ALDH1A2: variants seen among roughly 807,000 people sequenced by gnomAD.
ALDH1A2 encodes the protein retinal dehydrogenase 2.
ALDH1A2 carries 27 observed loss-of-function variants against 60.3 expected under a neutral mutation model. The observed-to-expected ratio is 0.45, with a 90% confidence interval of 0.33 to 0.62. The LOEUF (loss-of-function observed/expected upper bound fraction) is 0.62. ALDH1A2 is among the 20% of genes least tolerant of loss of function. The pLI, the probability that ALDH1A2 is intolerant of heterozygous loss-of-function variation, is 0.02. For synonymous variants in ALDH1A2, 289 were observed against 232.4 expected, an observed-to-expected ratio of 1.24 and a Z score of -2.21; for missense variants, 581 against 643.8, an observed-to-expected ratio of 0.90 and a Z score of 1.06.
chr15:57,977,456 G>T (rs1894302831), intron 7 of ALDH1A2, among the ~76,000 whole-genome samples: 1 of 152,036 alleles, frequency 6.6e-6, no homozygotes, highest in East Asian at 1.9e-4. Flanking sequence ...CTGTTTTCTG[G>T]ATATGGCTAG....
At position 57,954,926 on chromosome 15, in the gene ALDH1A2, A is replaced by G; in HGVS notation, c.*271T>C. 1.8e-6 allele frequency: 1 copy of G among 543,024 alleles called. No homozygotes were observed. Among genetic ancestry groups the G allele is most frequent in the South Asian group, 2.1e-5 (1 of 47,468 alleles). The allele number at this position is 543,024 out of a possible 1,614,324, so 33.6% of individuals were successfully genotyped here. ...ATTTCATCCTGTGCTCCAGAAGGAG[A>G]TACTGGATGTGTCTGCTAGCTCCTC... On this transcript the variant is annotated 3_prime_UTR_variant, in exon 13 of 13. Transcript: ENST00000249750.
chr15:58,055,530 A>G (rs1896873824), intron 1 of ALDH1A2, among the ~76,000 whole-genome samples: 1 of 152,034 alleles, frequency 6.6e-6, no homozygotes, highest in Admixed American at 6.6e-5. Context: ...GAGAAGTGCA[A>G]ATAAGTAATA....
intron 7 of ALDH1A2, among the ~76,000 whole-genome samples, chr15:57,989,881 C>T (rs1293372907): frequency 1.3e-5 from 2 of 151,904 alleles, no homozygotes; most frequent in African/African-American, 2.4e-5. Flanking sequence ...ATATTAAGGG[C>T]CGTTTGTATA....
intron 7 of ALDH1A2, among the ~76,000 whole-genome samples, chr15:57,990,805 G>A (rs1894871307): frequency 6.6e-6 from 1 of 151,072 alleles, no homozygotes; most frequent in Non-Finnish European, 1.5e-5. Flanking sequence ...GAACCTGGGG[G>A]GCGGAGGTTG....
At chr15:57,993,584 C>T (rs1421670422) in intron 5 of ALDH1A2, among the ~76,000 whole-genome samples, 1 of 152,096 alleles carries the variant, frequency 6.6e-6, no homozygotes, top group Non-Finnish European at 1.5e-5. Context: ...TATATGATTA[C>T]AAAAAATAAA....
At chr15:58,055,176 C>T (rs1896866551) in intron 1 of ALDH1A2, among the ~76,000 whole-genome samples, 1 of 151,908 alleles carries the variant, frequency 6.6e-6, no homozygotes, top group African/African-American at 2.4e-5. Flanking sequence ...GAATTGCCAC[C>T]CACTATTGCT....
At chr15:58,007,466 C>T (rs1158802561) in intron 4 of ALDH1A2, among the ~76,000 whole-genome samples, 2 of 152,090 alleles carry the variant, frequency 1.3e-5, no homozygotes, top group South Asian at 2.1e-4. Flanking sequence ...TTAGGCAGAA[C>T]AACACTTAAG....
At chr15:58,029,142 G>T (rs1365756642) in intron 1 of ALDH1A2, among the ~76,000 whole-genome samples, 3 of 152,094 alleles carry the variant, frequency 2.0e-5, no homozygotes, top group Non-Finnish European at 2.9e-5. Context: ...CACATAATTT[G>T]AAGTAAAACA....
chr15:57,982,922 G>A (rs1203076079), intron 7 of ALDH1A2, among the ~76,000 whole-genome samples: 1 of 152,116 alleles, frequency 6.6e-6, no homozygotes, highest in African/African-American at 2.4e-5. Context: ...CCTACCAAGA[G>A]TTAACGACCC....
chr15:57,973,697 T>G (rs1476602269), intron 7 of ALDH1A2, among the ~76,000 whole-genome samples: 2 of 152,204 alleles, frequency 1.3e-5, no homozygotes, highest in African/African-American at 4.8e-5. Context: ...CGCTCTCCCT[T>G]AAGTCCTTTA....
At chr15:57,973,646 T>C (rs1894143970) in intron 7 of ALDH1A2, among the ~76,000 whole-genome samples, 1 of 152,196 alleles carries the variant, frequency 6.6e-6, no homozygotes, top group African/African-American at 2.4e-5. Context: ...CCACTACTAA[T>C]ATGGAAATTA....
chr15:58,018,669 T>C (rs147954673), intron 1 of ALDH1A2, among the ~76,000 whole-genome samples: 10 of 152,290 alleles, frequency 6.6e-5, no homozygotes, highest in South Asian at 4.1e-4. Context: ...ATGGGACAAA[T>C]TGATATCATG....
chr15:58,057,646 T>A (rs950245264), intron 1 of ALDH1A2, among the ~76,000 whole-genome samples: 6 of 152,154 alleles, frequency 3.9e-5, no homozygotes, highest in Non-Finnish European at 7.4e-5. Context: ...GCTGGAAACA[T>A]CTCTATCTTC....
At chr15:58,010,801 A>T in intron 3 of ALDH1A2, 23 bp from the exon 4 acceptor site, 2 of 1,612,398 alleles carry the variant, frequency 1.2e-6, no homozygotes, top group Non-Finnish European at 1.7e-6. Flanking sequence ...AAATGGAGAG[A>T]TACTAAGTCC....
In ALDH1A2 at chr15:57,965,869, G is replaced by C. The variant is rs1222888663; in HGVS notation, c.799-42C>G. On this transcript the variant is annotated intron_variant, in intron 7 of 12. Coordinates refer to ENST00000249750, the MANE Select transcript of ALDH1A2 (RefSeq NM_003888.4). ...GGAGACAGGTTTTGCAAATCCTGCA[G>C]GTGAGACAGTCACCGGCCAATGCCA... The C allele has an allele frequency of 2.6e-6, 4 of 1,511,852 alleles. No individual in the cohort carries two copies. In the African/African-American group the frequency reaches 5.5e-5, roughly 21 times the overall value. The allele number at this position is 1,511,852 out of a possible 1,614,324, so 93.7% of individuals were successfully genotyped here. A position where few individuals can be genotyped will look rare whatever the true frequency, so the allele number is the denominator to read the frequency against.
rs1166600393 is a variant in ALDH1A2, at chr15:58,065,627, C to A, written c.24G>T (p.Met8Ile). The change falls in exon 1 of 13, where the codon ATG becomes ATT. Residue 8 changes from methionine (M) to isoleucine (I), a missense_variant. Transcript: ENST00000249750. Reference sequence around the variant, plus strand: ...CGGGGTCGGCCTTCACCTCGCCGGGCATCTCTATCTTGCTGGAAGTCATGG... The same window carrying A: ...CGGGGTCGGCCTTCACCTCGCCGGGAATCTCTATCTTGCTGGAAGTCATGG... The part of the protein sequence containing the change: MTSSKIE[M>I]PGEVKADPAA... 1.4e-5 allele frequency: 22 copies of A among 1,605,168 alleles called. 1 individual carries two copies. Among genetic ancestry groups the A allele is most frequent in the African/African-American group, 5.3e-5 (4 of 74,784 alleles).
At chr15:57,979,722 GC>G in intron 7 of ALDH1A2, 1 of 268,818 alleles carries the variant, frequency 3.7e-6, no homozygotes, top group Non-Finnish European at 7.3e-6. Context: ...AGCCTCAGTA[GC>G]CAGCCTCCTC....
chr15:58,058,839 T>C (rs1030524131), intron 1 of ALDH1A2, among the ~76,000 whole-genome samples: 2 of 152,132 alleles, frequency 1.3e-5, no homozygotes, highest in East Asian at 1.9e-4. Flanking sequence ...TAATAAAAAT[T>C]AGAAAGTTCA....
chr15:57,976,733 A>G (rs1894272100), intron 7 of ALDH1A2, among the ~76,000 whole-genome samples: 4 of 152,206 alleles, frequency 2.6e-5, no homozygotes, highest in Admixed American at 2.6e-4. Context: ...ATACAAGTGC[A>G]TGTGTCTTTA....
Sources: allele counts gnomAD v4.1 joint callset (sites outside exome capture counted in the v4.1 genomes callset), GRCh38; gene constraint gnomAD v4.1.1; transcripts MANE v1.5; gene names NCBI Gene and HGNC (gene_info 2026-07-23, HGNC 2026-07-21).